HIRA: variants seen among roughly 807,000 people sequenced by gnomAD.
The protein encoded by HIRA is protein HIRA.
In HIRA, 13 loss-of-function variants were observed where a neutral mutation model predicts 126.6. The ratio of observed to expected loss-of-function variants is 0.10; its 90% CI spans 0.07 to 0.16. The LOEUF is 0.16. Among genes scored for constraint, HIRA ranks in the 10% least tolerant of loss-of-function variants. The pLI is 1.00. For missense variants in HIRA, 834 were observed against 1,314.4 expected, an observed-to-expected ratio of 0.63 and a Z score of 5.65; for synonymous variants, 511 against 520.0, an observed-to-expected ratio of 0.98 and a Z score of 0.24.
In HIRA at chr22:19,431,692, G is replaced by A. The variant is rs1215446645; in HGVS notation, c.-216C>T. On this transcript the variant is annotated 5_prime_UTR_variant, in exon 1 of 25. Coordinates refer to ENST00000263208, the MANE Select transcript of HIRA (RefSeq NM_003325.4). ...GGCCGCCGCCGCCGCCACCACAGCC[G>A]CATCCCCTGCGCCGCTCCTCCTCAG... 4 of 379,296 alleles carry A rather than the reference G, an allele frequency of 1.1e-5. No individual in the cohort carries two copies. The highest frequency in any genetic ancestry group is 4.9e-5 in the East Asian group (1 of 20,294). 23.5% of individuals were successfully genotyped at this position (379,296 alleles called of 1,614,324 possible). A position where few individuals can be genotyped will look rare whatever the true frequency, so the allele number is the denominator to read the frequency against.
chr22:19,384,550 C>T (rs986545869), intron 12 of HIRA, among the ~76,000 whole-genome samples: 2 of 152,044 alleles, frequency 1.3e-5, no homozygotes, highest in South Asian at 2.1e-4. Flanking sequence ...GGGTACATGC[C>T]ACACTGGCCG....
intron 1 of HIRA, among the ~76,000 whole-genome samples, chr22:19,420,908 A>G (rs936080650): frequency 2.6e-5 from 4 of 152,234 alleles, no homozygotes; most frequent in Non-Finnish European, 4.4e-5. Flanking sequence ...TTCCATTAGA[A>G]AATTAAAAGC....
At chr22:19,385,040 A>G (rs1601835013) in intron 12 of HIRA, among the ~76,000 whole-genome samples, 1 of 152,182 alleles carries the variant, frequency 6.6e-6, no homozygotes, top group East Asian at 1.9e-4. Flanking sequence ...CTCATACTTT[A>G]TATCTGAATT....
intron 8 of HIRA, 106 bp downstream of exon 8, chr22:19,394,236 G>A: frequency 7.5e-7 from 1 of 1,337,964 alleles, no homozygotes; most frequent in Non-Finnish European, 1.0e-6. Context: ...ACTCTATTTT[G>A]TAAAATTAGC....
rs144068312 is a variant in HIRA, at chr22:19,361,895, G to A, written c.1812C>T (p.Pro604=). 4.0e-5 allele frequency: 64 copies of A among 1,614,072 alleles called. 1 individual carries two copies. Among genetic ancestry groups the A allele is most frequent in the African/African-American group, 6.7e-5 (5 of 74,916 alleles). ...KEQNLVKELR[P]RDLLESSSDS... Reference sequence around the variant, plus strand: ...CACTGCTGCTCTCCAGGAGGTCTCGGGGCCTCAGCTCTTTCACAAGGTTCT... The same window carrying A: ...CACTGCTGCTCTCCAGGAGGTCTCGAGGCCTCAGCTCTTTCACAAGGTTCT... Residue 604 remains proline, a synonymous_variant, in exon 16 of 25, where the codon CCC becomes CCT. Transcript: ENST00000263208.
At position 19,396,771 on chromosome 22, in the gene HIRA, A is replaced by AG. The variant is rs1401956269; in HGVS notation, c.654+15dup. ...GCAGCTGCGGGGGCTCAGCTCCCTG[A>AG]GCTGTCCCCACTTACCTCATCAAAA... On this transcript the variant is annotated intron_variant, in intron 7 of 24. Transcript: ENST00000263208. The AG allele has an allele frequency of 6.2e-7, 1 of 1,613,020 alleles. No homozygotes were observed. The highest frequency in any genetic ancestry group is 2.2e-5 in the East Asian group (1 of 44,858).
rs757767242 is a variant in HIRA at position 19,361,788 on chromosome 22, T to C, written c.1919A>G (p.Lys640Arg). 1 of 1,613,926 alleles carries C rather than the reference T, an allele frequency of 6.2e-7. No homozygotes were observed. Among genetic ancestry groups the C allele is most frequent in the Non-Finnish European group, 8.5e-7 (1 of 1,180,042 alleles). The change falls in exon 16 of 25, where the codon AAG becomes AGG. Residue 640 changes from lysine (K) to arginine (R), a missense_variant. Physicochemically the swap from Lys to Arg is conservative, Grantham distance 26 (BLOSUM62 2). Coordinates refer to ENST00000263208, the MANE Select transcript of HIRA (RefSeq NM_003325.4). ...CTTCCGAGGCCGCCCTTTCTTCTTC[T>C]TCTCTACTGTCTCTACCTCAAGCTC... is the stretch of plus-strand genomic sequence containing the variant. Reference protein sequence around the residue: ...KLELEVETVEKKKKGRPRKDS... With the variant: ...KLELEVETVERKKKGRPRKDS...
chr22:19,388,577 G>A (rs2089148821), intron 9 of HIRA, 23 bp from the exon 10 acceptor site: 1 of 1,595,934 alleles, frequency 6.3e-7, no homozygotes, highest in African/African-American at 1.3e-5. Flanking sequence ...ACACAGTCAA[G>A]GTTAATGAAA....
chr22:19,431,663 G>C lies in HIRA; in HGVS notation c.-187C>G. ...CTCCGCCGCCACAGCCGCCACCCGC[G>C]CTCGGCCGCCGCCGCCGCCACCACA... is the stretch of plus-strand genomic sequence containing the variant. On this transcript the variant is annotated 5_prime_UTR_variant, in exon 1 of 25. Coordinates refer to ENST00000263208, the MANE Select transcript of HIRA (RefSeq NM_003325.4). 1 of 529,502 alleles carries C rather than the reference G, an allele frequency of 1.9e-6. No individual in the cohort carries two copies. Among genetic ancestry groups the C allele is most frequent in the Non-Finnish European group, 2.7e-6 (1 of 372,562 alleles). 32.8% of individuals were successfully genotyped at this position (529,502 alleles called of 1,614,324 possible).
intron 24 of HIRA, among the ~76,000 whole-genome samples, chr22:19,346,839 G>A (rs1418114842): frequency 1.3e-5 from 2 of 152,188 alleles, no homozygotes; most frequent in African/African-American, 2.4e-5. Context: ...ATACTGACAG[G>A]TGACTCTGGG....
intron 13 of HIRA, among the ~76,000 whole-genome samples, chr22:19,380,731 T>A (rs1449095408): frequency 6.6e-6 from 1 of 152,170 alleles, no homozygotes; most frequent in Non-Finnish European, 1.5e-5. Flanking sequence ...AGCCTCCAAG[T>A]ATCTGGGATA....
At chr22:19,391,601 C>T (rs934263616) in intron 9 of HIRA, among the ~76,000 whole-genome samples, 3 of 151,902 alleles carry the variant, frequency 2.0e-5, no homozygotes, top group Admixed American at 6.6e-5. Context: ...CCGTCTCAGC[C>T]TCCCGAGTAG....
chr22:19,342,922 A>C (rs1054514405), intron 24 of HIRA, among the ~76,000 whole-genome samples: 2 of 152,240 alleles, frequency 1.3e-5, no homozygotes, highest in African/African-American at 2.4e-5. Context: ...AGCCTTAAAA[A>C]GGAATGAAAT....
At position 19,353,516 on chromosome 22, in the gene HIRA, C is replaced by T. The variant is rs781832172; in HGVS notation, c.2688G>A (p.Ser896=). 1.6e-5 allele frequency: 26 copies of T among 1,605,368 alleles called. No homozygotes were observed. The highest frequency in any genetic ancestry group is 2.2e-5 in the East Asian group (1 of 44,856). ...AGAAGAGCCGGGCAGCCTGCCTTCC[C>T]GAGCTGCAGAGACCAGGAGAGTTTC... ...LAIIQGRTSN[S]GRQAARLFSV... The change falls in exon 23 of 25, where the codon TCG becomes TCA. Residue 896 remains serine, a synonymous_variant. Transcript: ENST00000263208.
At chr22:19,366,993 C>T in intron 15 of HIRA, among the ~76,000 whole-genome samples, 1 of 152,130 alleles carries the variant, frequency 6.6e-6, no homozygotes, top group East Asian at 1.9e-4. Context: ...GAGCTCCTGA[C>T]CTCAGATGAA....
At chr22:19,386,897 A>T (rs1409863560) in intron 11 of HIRA, among the ~76,000 whole-genome samples, 1 of 152,196 alleles carries the variant, frequency 6.6e-6, no homozygotes, top group Non-Finnish European at 1.5e-5. Flanking sequence ...CTCTCCCCCA[A>T]AGGGGTTCAC....
chr22:19,359,529 C>G (rs778007150), intron 17 of HIRA, 45 bp from the exon 18 acceptor site: 1 of 1,503,966 alleles, frequency 6.6e-7, no homozygotes, highest in Non-Finnish European at 8.9e-7. Flanking sequence ...AGGGCCGCAG[C>G]CCAGGTGACA....
chr22:19,372,902 A>C (rs1418103732), intron 15 of HIRA, among the ~76,000 whole-genome samples: 1 of 152,128 alleles, frequency 6.6e-6, no homozygotes, highest in Non-Finnish European at 1.5e-5. Flanking sequence ...GGTTTTGTAA[A>C]GATGAGGTCT....
intron 18 of HIRA, 113 bp from the exon 19 acceptor site, chr22:19,357,164 A>G: frequency 8.1e-7 from 1 of 1,230,332 alleles, no homozygotes; most frequent in Non-Finnish European, 1.2e-6. Context: ...GCCTCCCCTG[A>G]GCAGGTACAG....
Sources: gnomAD v4.1 joint callset for allele counts (sites outside exome capture counted in the v4.1 genomes callset) on GRCh38, gnomAD v4.1.1 for gene constraint, MANE v1.5 for transcripts, NCBI Gene and HGNC (gene_info 2026-07-23, HGNC 2026-07-21) for gene names.